Variants in GRIK2 observed in about 807,000 individuals in gnomAD.
The protein encoded by GRIK2 is glutamate receptor ionotropic, kainate 2.
In GRIK2, 32 loss-of-function variants were observed where a neutral mutation model predicts 100.3. The ratio of observed to expected loss-of-function variants is 0.32; its 90% confidence interval spans 0.24 to 0.43. GRIK2 has a LOEUF of 0.43. Ranked by LOEUF, GRIK2 falls within the 20% of genes least tolerant of loss-of-function variation. GRIK2 has a pLI of 1.00. For synonymous variants in GRIK2, 417 were observed against 389.4 expected (o/e 1.07, Z -0.83); for missense variants, 843 against 1,114.9 (o/e 0.76, Z 3.47).
chr6:101,765,348 G>A (rs969126166), intron 7 of GRIK2, among the ~76,000 whole-genome samples: 3 of 151,988 alleles, frequency 2.0e-5, no homozygotes, highest in African/African-American at 7.3e-5. Flanking sequence ...CCTAGCATAG[G>A]GCAGCTGAGT....
intron 14 of GRIK2, among the ~76,000 whole-genome samples, chr6:101,942,375 G>T (rs1791010359): frequency 6.6e-6 from 1 of 152,152 alleles, no homozygotes; most frequent in Admixed American, 6.6e-5. Flanking sequence ...ACCTGAACAT[G>T]TGGAAGCAAC....
At chr6:101,970,180 A>G (rs778070926) in intron 14 of GRIK2, among the ~76,000 whole-genome samples, 1 of 151,294 alleles carries the variant, frequency 6.6e-6, no homozygotes, top group Middle Eastern at 3.2e-3. Flanking sequence ...AATCAATCAA[A>G]TCTAATGCCA....
At chr6:102,016,940 CTA>C (rs1392332521) in intron 14 of GRIK2, among the ~76,000 whole-genome samples, 1 of 152,130 alleles carries the variant, frequency 6.6e-6, no homozygotes, top group Admixed American at 6.6e-5. Flanking sequence ...AGCAGAAACT[CTA>C]TGAGCCAGAA....
At chr6:102,009,411 C>T (rs1363492787) in intron 14 of GRIK2, among the ~76,000 whole-genome samples, 1 of 152,044 alleles carries the variant, frequency 6.6e-6, no homozygotes, top group Non-Finnish European at 1.5e-5. Context: ...TGTAACATTA[C>T]TTGTCCTGGA....
chr6:102,027,202 T>G (rs1358374631), intron 14 of GRIK2, among the ~76,000 whole-genome samples: 1 of 151,408 alleles, frequency 6.6e-6, no homozygotes, highest in Middle Eastern at 3.4e-3. Context: ...ATGTAAAATT[T>G]ATTGAAAAAG....
At chr6:101,872,348 A>G (rs1785481735) in intron 11 of GRIK2, among the ~76,000 whole-genome samples, 1 of 151,900 alleles carries the variant, frequency 6.6e-6, no homozygotes, top group Non-Finnish European at 1.5e-5. Flanking sequence ...GGAGACTTAC[A>G]ATCCTAGTGG....
At chr6:102,041,745 TAAAG>T (rs1464773844) in intron 15 of GRIK2, among the ~76,000 whole-genome samples, 2 of 151,440 alleles carry the variant, frequency 1.3e-5, no homozygotes, top group Non-Finnish European at 3.0e-5. Context: ...ATAGGTAGCA[TAAAG>T]AATTTTAAAG....
chr6:101,535,208 G>A (rs898172028), intron 2 of GRIK2, among the ~76,000 whole-genome samples: 4 of 151,776 alleles, frequency 2.6e-5, no homozygotes, highest in Middle Eastern at 3.4e-3. Context: ...AGAGGGGAAC[G>A]AAAACCTCTA....
intron 14 of GRIK2, among the ~76,000 whole-genome samples, chr6:101,956,849 TAG>T: frequency 7.6e-6 from 1 of 131,032 alleles, no homozygotes; most frequent in South Asian, 2.7e-4. Flanking sequence ...ATAAGAATTA[TAG>T]ATATATACAT....
chr6:101,882,162 G>A (rs1314089579), intron 11 of GRIK2, among the ~76,000 whole-genome samples: 3 of 151,980 alleles, frequency 2.0e-5, no homozygotes, highest in Non-Finnish European at 4.4e-5. Context: ...CTTCCACTGG[G>A]TCCCTCCCAC....
chr6:101,963,700 T>G (rs1792478000), intron 14 of GRIK2, among the ~76,000 whole-genome samples: 1 of 151,902 alleles, frequency 6.6e-6, no homozygotes. Context: ...CTATTTCCTC[T>G]TATCCATTTT....
intron 9 of GRIK2, among the ~76,000 whole-genome samples, chr6:101,811,053 A>G (rs1781297236): frequency 6.6e-6 from 1 of 152,082 alleles, no homozygotes; most frequent in South Asian, 2.1e-4. Flanking sequence ...CTCAAACAGT[A>G]CTATCGGGGT....
chr6:101,763,533 A>G (rs1192870415), intron 7 of GRIK2, among the ~76,000 whole-genome samples: 1 of 152,242 alleles, frequency 6.6e-6, no homozygotes, highest in Admixed American at 6.5e-5. Context: ...GCCAATCAAA[A>G]TCATCTGTAT....
chr6:101,868,733 T>G (rs1562451404), intron 11 of GRIK2, among the ~76,000 whole-genome samples: 2 of 151,886 alleles, frequency 1.3e-5, no homozygotes, highest in Admixed American at 6.6e-5. Flanking sequence ...GGATTTTCCT[T>G]TCACATTAAA....
At chr6:101,851,165 C>T (rs1784106524) in intron 10 of GRIK2, among the ~76,000 whole-genome samples, 1 of 152,024 alleles carries the variant, frequency 6.6e-6, no homozygotes, top group African/African-American at 2.4e-5. Flanking sequence ...CTGTTGAAGA[C>T]ATATATCTAA....
At chr6:101,801,849 G>A (rs1014318354) in intron 8 of GRIK2, among the ~76,000 whole-genome samples, 11 of 151,820 alleles carry the variant, frequency 7.2e-5, no homozygotes, top group Admixed American at 5.3e-4. Context: ...GAAAGCTAGG[G>A]GGAATGTATA....
At chr6:101,623,617 C>G (rs865832087) in intron 3 of GRIK2, among the ~76,000 whole-genome samples, 1 of 152,022 alleles carries the variant, frequency 6.6e-6, no homozygotes, top group Non-Finnish European at 1.5e-5. Flanking sequence ...AACACAGGTT[C>G]GGATGTTCTC....
chr6:101,994,219 A>G (rs1003864399), intron 14 of GRIK2, among the ~76,000 whole-genome samples: 1 of 150,918 alleles, frequency 6.6e-6, no homozygotes, highest in Non-Finnish European at 1.5e-5. Flanking sequence ...TAATCTCTCC[A>G]TGATACGAAG....
intron 2 of GRIK2, among the ~76,000 whole-genome samples, chr6:101,612,715 A>ATGT: frequency 8.7e-6 from 1 of 114,902 alleles, no homozygotes; most frequent in Admixed American, 9.2e-5. Context: ...TGTATGTGTT[A>ATGT]ATGTGTGTGT....
Sources: allele counts gnomAD v4.1 joint callset (sites outside exome capture counted in the v4.1 genomes callset), GRCh38; gene constraint gnomAD v4.1.1; transcripts MANE v1.5; gene names NCBI Gene and HGNC (gene_info 2026-07-23, HGNC 2026-07-21).